RIPOR2: variants seen among roughly 807,000 people sequenced by gnomAD.
RIPOR2 encodes RHO family interacting cell polarization regulator 2.
In RIPOR2, 39 loss-of-function variants were observed where a neutral mutation model predicts 114.5. The observed-to-expected ratio is 0.34, with a 90% CI of 0.26 to 0.44. The LOEUF (loss-of-function observed/expected upper bound fraction) is 0.44. RIPOR2 is among the 20% of genes least tolerant of loss of function. The pLI is 1.00. For synonymous variants in RIPOR2, 445 were observed against 484.4 expected (o/e 0.92, Z 1.07); for missense variants, 1,007 against 1,255.1 (o/e 0.80, Z 2.99).
At chr6:24,949,317 C>T (rs146036345) in intron 1 of RIPOR2, among the ~76,000 whole-genome samples, 1 of 152,126 alleles carries the variant, frequency 6.6e-6, no homozygotes, top group Non-Finnish European at 1.5e-5. Context: ...AAGCAAAACC[C>T]AGAACTCAAA....
Position 24,834,558 on chromosome 6 carries a change from T to C in RIPOR2, c.2208+1145A>G, listed in dbSNP as rs114793664. On this transcript the variant is annotated intron_variant, in intron 15 of 21. Coordinates refer to ENST00000643898, the MANE Select transcript of RIPOR2 (RefSeq NM_001286445.3). ...CCTATTTGTTTTAGAGTCCAAATAC[T>C]TTAGACAATTCAGCATGGTAGTACA... is the stretch of plus-strand genomic sequence containing the variant. Among the ~76,000 whole-genome samples, 1,138 of 151,924 alleles carry C rather than the reference T, an allele frequency of 7.5e-3. 14 individuals carry two copies. The highest frequency in any genetic ancestry group is 0.026 in the African/African-American group (1,067 of 41,396).
intron 18 of RIPOR2, among the ~76,000 whole-genome samples, chr6:24,826,484 A>G (rs1760197141): frequency 7.5e-6 from 1 of 133,158 alleles, no homozygotes; most frequent in Non-Finnish European, 1.6e-5. Flanking sequence ...CAAATTTGTG[A>G]TTTATTTAGA....
At chr6:24,870,962 T>C in intron 4 of RIPOR2, 73 bp from the exon 5 acceptor site, 1 of 941,520 alleles carries the variant, frequency 1.1e-6, no homozygotes, top group Non-Finnish European at 1.6e-6. Context: ...CAGAATGATT[T>C]AGCCCACATT....
At chr6:24,854,250 T>A (rs1376947458) in intron 8 of RIPOR2, among the ~76,000 whole-genome samples, 1 of 152,140 alleles carries the variant, frequency 6.6e-6, no homozygotes, top group Non-Finnish European at 1.5e-5. Flanking sequence ...TATTACTATA[T>A]AATTAAAATG....
In RIPOR2 at chr6:24,839,637, C is replaced by CA. The variant is rs372089004; in HGVS notation, c.1858-366dup. On this transcript the variant is annotated intron_variant, in intron 13 of 21. Coordinates refer to ENST00000643898, the MANE Select transcript of RIPOR2 (RefSeq NM_001286445.3). The stretch of plus-strand genomic sequence containing the variant: ...TTTATAACAAAAAGTTGAAAAAAAA[C>CA]AAAAAAAACAAAAAACAAAACCATG... The CA allele has an allele frequency of 8.8e-4, 1,346 of 1,532,970 alleles. 6 individuals are homozygous for CA. The African/African-American group carries it at 0.013, about 15-fold the overall frequency. The allele number at this position is 1,532,970 out of a possible 1,614,324, so 95.0% of individuals were successfully genotyped here.
At chr6:25,020,897 C>A (rs990892545) in intron 1 of RIPOR2, among the ~76,000 whole-genome samples, 1 of 151,998 alleles carries the variant, frequency 6.6e-6, no homozygotes, top group African/African-American at 2.4e-5. Flanking sequence ...CTCTCTGTTG[C>A]CCAGGCTAGA....
intron 1 of RIPOR2, among the ~76,000 whole-genome samples, chr6:24,926,522 T>C (rs1040863497): frequency 2.0e-5 from 3 of 152,176 alleles, no homozygotes; most frequent in African/African-American, 7.2e-5. Flanking sequence ...GGTCACATGG[T>C]GGAGATCAGA....
At chr6:24,851,245 C>T (rs1762871518) in intron 9 of RIPOR2, among the ~76,000 whole-genome samples, 1 of 152,094 alleles carries the variant, frequency 6.6e-6, no homozygotes. Context: ...AGGGAGGGTA[C>T]AGGTTTTCTG....
chr6:25,026,394 T>C (rs908650664), intron 1 of RIPOR2, among the ~76,000 whole-genome samples: 2 of 152,192 alleles, frequency 1.3e-5, no homozygotes, highest in Non-Finnish European at 2.9e-5. Flanking sequence ...GGTTTTAAGT[T>C]TACCTCTGCT....
chr6:24,848,008 A>C lies in RIPOR2; in HGVS notation c.1164+17T>G, dbSNP rs1337801439. On this transcript the variant is annotated intron_variant, in intron 12 of 21. Transcript: ENST00000643898. ...TCAGGTGCATTGATTCTACTCGGGA[A>C]ATTACACTGAACTTACAAAGAAGGA... The C allele has an allele frequency of 6.2e-7, 1 of 1,613,814 alleles. No individual in the cohort carries two copies. The highest frequency in any genetic ancestry group is 1.7e-5 in the Admixed American group (1 of 60,008).
At chr6:24,927,613 C>A (rs974740378) in intron 1 of RIPOR2, among the ~76,000 whole-genome samples, 1 of 151,748 alleles carries the variant, frequency 6.6e-6, no homozygotes, top group African/African-American at 2.4e-5. Flanking sequence ...CCACCACTAT[C>A]ATCACTACCA....
intron 1 of RIPOR2, among the ~76,000 whole-genome samples, chr6:24,896,518 C>A (rs566788486): frequency 6.6e-6 from 1 of 152,304 alleles, no homozygotes; most frequent in South Asian, 2.1e-4. Flanking sequence ...AACTACTGTG[C>A]ATTCTCAACT....
At chr6:25,026,176 A>G (rs1176759441) in intron 1 of RIPOR2, among the ~76,000 whole-genome samples, 1 of 152,180 alleles carries the variant, frequency 6.6e-6, no homozygotes, top group African/African-American at 2.4e-5. Context: ...AGCTACATAA[A>G]AGGTTTCTTA....
At chr6:24,975,305 A>G (rs9379701) in intron 1 of RIPOR2, among the ~76,000 whole-genome samples, 25,476 of 152,240 alleles carry the variant, frequency 0.17, 2,923 homozygotes, top group East Asian at 0.54. Context: ...ATATACTTTA[A>G]TAAGGAACTC....
chr6:24,937,826 C>T (rs1771900978), upstream of RIPOR2, among the ~76,000 whole-genome samples: 1 of 152,178 alleles, frequency 6.6e-6, no homozygotes, highest in Non-Finnish European at 1.5e-5. Context: ...AGAGCTCACT[C>T]TGTTACCTCA....
chr6:25,031,736 T>TAAA (rs1776972986), intron 1 of RIPOR2, among the ~76,000 whole-genome samples: 2 of 92,064 alleles, frequency 2.2e-5, no homozygotes, highest in East Asian at 3.6e-4. Flanking sequence ...TATATATATA[T>TAAA]ATATATATAT....
At chr6:24,983,756 CAAAA>C (rs34480037) in intron 1 of RIPOR2, among the ~76,000 whole-genome samples, 92 of 47,166 alleles carry the variant, frequency 2.0e-3, no homozygotes, top group African/African-American at 7.3e-3. Flanking sequence ...GACTGTGTCT[CAAAA>C]AAAAAAAAAA....
chr6:24,993,804 C>A (rs879655721), intron 1 of RIPOR2, among the ~76,000 whole-genome samples: 3 of 152,258 alleles, frequency 2.0e-5, no homozygotes, highest in Non-Finnish European at 2.9e-5. Flanking sequence ...GCTGCATTCA[C>A]ATTACAAAGG....
chr6:24,884,723 A>AT (rs1176716047), intron 1 of RIPOR2, among the ~76,000 whole-genome samples: 1 of 152,240 alleles, frequency 6.6e-6, no homozygotes, highest in Non-Finnish European at 1.5e-5. Context: ...ACAGGCAAGC[A>AT]TTGTAAGGTT....
Sources: gnomAD v4.1 joint callset for allele counts (sites outside exome capture counted in the v4.1 genomes callset) on GRCh38, gnomAD v4.1.1 for gene constraint, MANE v1.5 for transcripts, NCBI Gene and HGNC (gene_info 2026-07-23, HGNC 2026-07-21) for gene names.